The following PODXL2 variants were observed in gnomAD, a reference collection of about 807,000 sequenced individuals.
PODXL2 encodes podocalyxin like 2, also known as podocalyxin-like protein 2.
PODXL2 carries 17 observed loss-of-function variants against 53.4 expected under a neutral mutation model. That is an observed-to-expected ratio of 0.32 (90% CI 0.22 to 0.48). The LOEUF (loss-of-function observed/expected upper bound fraction) is 0.48, where lower values mean the gene tolerates loss of function less well. Among genes scored for constraint, PODXL2 ranks in the 20% least tolerant of loss-of-function variants. The pLI is 0.99. For synonymous variants in PODXL2, 311 were observed against 306.7 expected, an observed-to-expected ratio of 1.01 and a Z score of -0.15; for missense variants, 673 against 760.0, an observed-to-expected ratio of 0.89 and a Z score of 1.35.
At chr3:127,659,025 TC>T (rs1266270795) in intron 2 of PODXL2, among the ~76,000 whole-genome samples, 1 of 152,146 alleles carries the variant, frequency 6.6e-6, no homozygotes, top group Non-Finnish European at 1.5e-5. Flanking sequence ...GAATTTTCAA[TC>T]CGTTGAATTT....
chr3:127,669,849 G>A (rs986406388), intron 6 of PODXL2, among the ~76,000 whole-genome samples: 1 of 152,186 alleles, frequency 6.6e-6, no homozygotes, highest in African/African-American at 2.4e-5. Flanking sequence ...GGGTCCCCCA[G>A]TCCTGCTCCT....
chr3:127,633,912 G>C (rs994740821), intron 1 of PODXL2, among the ~76,000 whole-genome samples: 14 of 151,460 alleles, frequency 9.2e-5, no homozygotes, highest in Non-Finnish European at 1.9e-4. Flanking sequence ...GGGGAGATAC[G>C]GATGTTCAAG....
At position 127,672,366 on chromosome 3, in the gene PODXL2, C is replaced by A. The variant is rs1243303478; in HGVS notation, c.1704C>A (p.His568Gln). ...GCCAGTCGGAGATGCAGGAGAAGCA[C>A]CCCAGCCTGAACGGCGGCGGGGCCC... is the stretch of plus-strand genomic sequence containing the variant. ...SDSQSEMQEK[H>Q]PSLNGGGALN... The change falls in exon 8 of 8, where the codon CAC becomes CAA. Residue 568 changes from histidine (H) to glutamine (Q), a missense_variant. This residue lies in a region of PODXL2 where 79 missense variants were observed against 70.5 expected (regional missense o/e 1.12). Transcript: ENST00000342480. 1 of 1,548,980 alleles carries A rather than the reference C, an allele frequency of 6.5e-7. No homozygotes were observed. The highest frequency in any genetic ancestry group is 8.7e-7 in the Non-Finnish European group (1 of 1,147,440).
chr3:127,630,127 G>C (rs922694969), intron 1 of PODXL2, among the ~76,000 whole-genome samples: 1 of 152,150 alleles, frequency 6.6e-6, no homozygotes, highest in Admixed American at 6.5e-5. Flanking sequence ...GGGGTGTGTA[G>C]GGAGGTGGGC....
At chr3:127,651,959 AT>A (rs1444350292) in intron 2 of PODXL2, among the ~76,000 whole-genome samples, 3 of 152,172 alleles carry the variant, frequency 2.0e-5, no homozygotes, top group African/African-American at 7.2e-5. Context: ...CACTCTTGTG[AT>A]TCAAGCCCAG....
intron 2 of PODXL2, among the ~76,000 whole-genome samples, chr3:127,650,617 C>A (rs913852521): frequency 6.6e-6 from 1 of 152,110 alleles, no homozygotes; most frequent in African/African-American, 2.4e-5. Context: ...ACCCCCTGTG[C>A]TGATTTTGTA....
chr3:127,670,475 T>C (rs1209023120), intron 6 of PODXL2, among the ~76,000 whole-genome samples: 1 of 152,268 alleles, frequency 6.6e-6, no homozygotes, highest in East Asian at 1.9e-4. Flanking sequence ...TGCCCCTGAG[T>C]ATTCTGGCGT....
chr3:127,669,102 G>A (rs763911840), intron 5 of PODXL2, 39 bp from the exon 6 acceptor site: 1 of 1,481,204 alleles, frequency 6.8e-7, no homozygotes, highest in South Asian at 1.2e-5. Context: ...ACGCACCTCA[G>A]CCATGGTCAC....
At chr3:127,662,061 A>C (rs1378421758) in intron 3 of PODXL2, among the ~76,000 whole-genome samples, 176 bp from the exon 4 acceptor site, 1 of 152,006 alleles carries the variant, frequency 6.6e-6, no homozygotes, top group Non-Finnish European at 1.5e-5. Flanking sequence ...AAGACATTCG[A>C]GTTTGTACTC....
At chr3:127,670,779 T>G (rs976891195) in intron 6 of PODXL2, among the ~76,000 whole-genome samples, 1 of 152,182 alleles carries the variant, frequency 6.6e-6, no homozygotes, top group African/African-American at 2.4e-5. Flanking sequence ...TCTGTGGAGA[T>G]AGCACCTGCC....
intron 2 of PODXL2, among the ~76,000 whole-genome samples, chr3:127,651,520 T>G (rs2074688871): frequency 6.6e-6 from 1 of 151,496 alleles, no homozygotes. Flanking sequence ...CAAATGGGGG[T>G]GTAGGGGTAA....
chr3:127,656,676 A>G (rs971828206), intron 2 of PODXL2, among the ~76,000 whole-genome samples: 4 of 138,740 alleles, frequency 2.9e-5, no homozygotes, highest in Non-Finnish European at 3.0e-5. Context: ...CAGAGGTTGC[A>G]GTGAGCCAAG....
intron 4 of PODXL2, among the ~76,000 whole-genome samples, chr3:127,665,559 GT>G (rs2074791384): frequency 6.6e-6 from 1 of 152,240 alleles, no homozygotes; most frequent in South Asian, 2.1e-4. Flanking sequence ...CAGAGGTGGT[GT>G]TTTTGAGTTC....
At chr3:127,638,076 T>A (rs896997321) in intron 1 of PODXL2, among the ~76,000 whole-genome samples, 1 of 152,176 alleles carries the variant, frequency 6.6e-6, no homozygotes, top group African/African-American at 2.4e-5. Context: ...GGAAAAGAAT[T>A]CAGAGGTCAT....
At chr3:127,638,341 A>G (rs2074591299) in intron 1 of PODXL2, among the ~76,000 whole-genome samples, 1 of 152,190 alleles carries the variant, frequency 6.6e-6, no homozygotes, top group Non-Finnish European at 1.5e-5. Flanking sequence ...GAGAGAGAGA[A>G]TCCAAGATTC....
rs1041090929 is a variant in PODXL2 at position 127,629,320 on chromosome 3, G to A, written c.70+31G>A. 3.4e-5 allele frequency: 34 copies of A among 1,014,262 alleles called. No homozygotes were observed. Among genetic ancestry groups the A allele is most frequent in the East Asian group, 2.8e-4 (3 of 10,834 alleles). The allele number at this position is 1,014,262 out of a possible 1,614,324, so 62.8% of individuals were successfully genotyped here. ...TGCGCTCCGGGCCCGAGCGCGGGAG[G>A]GCGGGCGGCGGCGTGGGCGCGGTGC... On this transcript the variant is annotated intron_variant, in intron 1 of 7. Coordinates refer to ENST00000342480, the MANE Select transcript of PODXL2 (RefSeq NM_015720.4). This position sits in a 1 kb window ranked among gnomAD's most constrained non-coding sequence, Gnocchi z 6.4.
At chr3:127,649,532 C>T (rs1253967459) in intron 2 of PODXL2, among the ~76,000 whole-genome samples, 1 of 152,232 alleles carries the variant, frequency 6.6e-6, no homozygotes, top group Non-Finnish European at 1.5e-5. Context: ...CAATACTAGG[C>T]ATGAATGACT....
chr3:127,644,103 AT>A (rs1336239405), intron 2 of PODXL2, among the ~76,000 whole-genome samples: 1 of 151,954 alleles, frequency 6.6e-6, no homozygotes, highest in Non-Finnish European at 1.5e-5. Context: ...TTTTAAAGAA[AT>A]GATATTTTGT....
chr3:127,643,937 C>T (rs2074637014), intron 2 of PODXL2, among the ~76,000 whole-genome samples: 1 of 152,118 alleles, frequency 6.6e-6, no homozygotes, highest in Non-Finnish European at 1.5e-5. Flanking sequence ...GCACGCCTGG[C>T]CCCTTCTATT....
Sources: allele counts gnomAD v4.1 joint callset (sites outside exome capture counted in the v4.1 genomes callset), GRCh38; gene constraint gnomAD v4.1.1; regional missense constraint gnomAD v4.1.1; non-coding constraint Gnocchi (gnomAD v3.1); transcripts MANE v1.5; gene names NCBI Gene and HGNC (gene_info 2026-07-23, HGNC 2026-07-21).